CSMD3: variants seen among roughly 807,000 people sequenced by gnomAD.
CSMD3 encodes the protein CUB and sushi domain-containing protein 3.
A neutral mutation model predicts 435.2 loss-of-function variants in CSMD3; 177 were observed. That is an observed-to-expected ratio of 0.41 (90% CI 0.36 to 0.46). The LOEUF is 0.46. Among genes scored for constraint, CSMD3 ranks in the 20% least tolerant of loss-of-function variants. CSMD3 has a pLI of 0.34. For missense variants in CSMD3, 4,265 were observed against 4,504.6 expected, an observed-to-expected ratio of 0.95 and a Z score of 1.52; for synonymous variants, 1,656 against 1,520.5, an observed-to-expected ratio of 1.09 and a Z score of -2.07.
At chr8:113,278,234 G>C (rs1247072738) in intron 3 of CSMD3, among the ~76,000 whole-genome samples, 1 of 151,824 alleles carries the variant, frequency 6.6e-6, no homozygotes. Flanking sequence ...AACTTTCAGA[G>C]AAGACAGATT....
intron 2 of CSMD3, among the ~76,000 whole-genome samples, chr8:113,301,448 C>A (rs1360249552): frequency 6.6e-6 from 1 of 151,804 alleles, no homozygotes; most frequent in African/African-American, 2.4e-5. Context: ...ATAATCACAT[C>A]TCACTCAGAT....
chr8:112,233,956 T>C (rs948399917), intron 68 of CSMD3, among the ~76,000 whole-genome samples: 1 of 152,182 alleles, frequency 6.6e-6, no homozygotes, highest in Non-Finnish European at 1.5e-5. Context: ...GTAAATATGT[T>C]GCATATTCCT....
intron 5 of CSMD3, among the ~76,000 whole-genome samples, chr8:113,058,946 G>T (rs2131356706): frequency 6.6e-6 from 1 of 152,118 alleles, no homozygotes; most frequent in Non-Finnish European, 1.5e-5. Context: ...AATTATTCTT[G>T]ATTAATAGCT....
chr8:112,756,230 A>G (rs977737480), intron 13 of CSMD3, among the ~76,000 whole-genome samples: 1 of 152,152 alleles, frequency 6.6e-6, no homozygotes, highest in African/African-American at 2.4e-5. Flanking sequence ...CCAAGTATAT[A>G]TTTAATGCAT....
At chr8:112,234,515 G>T in intron 67 of CSMD3, 38 bp from the exon 68 acceptor site, 2 of 1,060,810 alleles carry the variant, frequency 1.9e-6, no homozygotes, top group Non-Finnish European at 3.0e-6. Flanking sequence ...ACTTAACTTT[G>T]TAAATAGTTA....
intron 11 of CSMD3, among the ~76,000 whole-genome samples, chr8:112,837,155 T>C (rs1054054619): frequency 6.6e-6 from 1 of 151,798 alleles, no homozygotes; most frequent in Non-Finnish European, 1.5e-5. Context: ...ACATAAATTC[T>C]TCGGGAAAAA....
intron 38 of CSMD3, among the ~76,000 whole-genome samples, chr8:112,367,271 A>G (rs1827871491): frequency 6.6e-6 from 1 of 152,188 alleles, no homozygotes; most frequent in Non-Finnish European, 1.5e-5. Flanking sequence ...TGTCATTATC[A>G]TTAGAAATTA....
intron 10 of CSMD3, among the ~76,000 whole-genome samples, chr8:112,903,171 A>AAG (rs1475907787): frequency 4.0e-5 from 6 of 150,152 alleles, no homozygotes; most frequent in Non-Finnish European, 8.9e-5. Context: ...AAAAAAAAAA[A>AAG]AAAAGAAAAG....
At chr8:112,235,719 A>C (rs1813512835) in intron 67 of CSMD3, among the ~76,000 whole-genome samples, 1 of 152,146 alleles carries the variant, frequency 6.6e-6, no homozygotes, top group African/African-American at 2.4e-5. Flanking sequence ...ATATGCAGGA[A>C]ATGAAAAGAT....
At chr8:112,400,962 T>C (rs1335055312) in intron 35 of CSMD3, among the ~76,000 whole-genome samples, 1 of 152,130 alleles carries the variant, frequency 6.6e-6, no homozygotes, top group Non-Finnish European at 1.5e-5. Flanking sequence ...ATCCCAGTAC[T>C]TTGGGAGGCC....
intron 3 of CSMD3, among the ~76,000 whole-genome samples, chr8:113,192,430 T>G (rs1177849469): frequency 6.6e-6 from 1 of 151,646 alleles, no homozygotes; most frequent in African/African-American, 2.4e-5. Context: ...AGTATGGAAA[T>G]TCTTGTCCTC....
intron 47 of CSMD3, among the ~76,000 whole-genome samples, chr8:112,316,890 G>C (rs910524555): frequency 6.6e-6 from 1 of 151,880 alleles, no homozygotes; most frequent in African/African-American, 2.4e-5. Context: ...GAAGAAGAGA[G>C]AAGAAAAATG....
intron 13 of CSMD3, among the ~76,000 whole-genome samples, chr8:112,773,136 C>G (rs1274281027): frequency 6.6e-6 from 1 of 151,684 alleles, no homozygotes; most frequent in Non-Finnish European, 1.5e-5. Flanking sequence ...GGAGGGGCAA[C>G]CCACCCGTTC....
At position 112,460,308 on chromosome 8, in the gene CSMD3, A is replaced by G. The variant is rs574435190; in HGVS notation, c.5395+12283T>C. Among the ~76,000 whole-genome samples the G allele has an allele frequency of 6.8e-4, 104 of 152,110 alleles. 1 individual carries two copies. The South Asian group carries it at 0.02, about 29-fold the overall frequency. On this transcript the variant is annotated intron_variant, in intron 32 of 70. Coordinates refer to ENST00000297405, the MANE Select transcript of CSMD3 (RefSeq NM_198123.2). ...AATATAATATAGATCTTTACCCACA[A>G]TGAGGTTAGAATTATTTATAGCACA...
At chr8:113,334,703 T>C (rs533518060) in intron 1 of CSMD3, among the ~76,000 whole-genome samples, 1 of 152,228 alleles carries the variant, frequency 6.6e-6, no homozygotes, top group Admixed American at 6.5e-5. Context: ...ATTTCTCTTT[T>C]CTTTGCACTT....
At position 112,462,377 on chromosome 8, in the gene CSMD3, A is replaced by T. The variant is rs182114069; in HGVS notation, c.5395+10214T>A. 4.6e-5 allele frequency among the ~76,000 whole-genome samples: 7 copies of T among 152,340 alleles called. No homozygotes were observed. In the East Asian group the frequency reaches 1.4e-3, roughly 29 times the overall value. ...CACTGTTTAAACAAATTGTTGTAAA[A>T]TGTCTAGCTTCATGTTCCTGCACTA... On this transcript the variant is annotated intron_variant, in intron 32 of 70. Coordinates refer to ENST00000297405, the MANE Select transcript of CSMD3 (RefSeq NM_198123.2).
chr8:112,486,050 T>G (rs566329415), intron 31 of CSMD3, among the ~76,000 whole-genome samples: 2 of 151,632 alleles, frequency 1.3e-5, no homozygotes, highest in East Asian at 3.9e-4. Flanking sequence ...GGCCTTTGTA[T>G]ACTGTCCAGA....
chr8:112,298,066 C>CAAAAAAAAAAA (rs35232021), intron 53 of CSMD3, among the ~76,000 whole-genome samples: 1 of 93,584 alleles, frequency 1.1e-5, no homozygotes, highest in Non-Finnish European at 2.2e-5. Context: ...TGCCATTGCA[C>CAAAAAAAAAAA]AAAAAAAAAA....
intron 4 of CSMD3, among the ~76,000 whole-genome samples, chr8:113,156,931 CAAAA>C (rs1174494796): frequency 7.5e-6 from 1 of 132,652 alleles, no homozygotes; most frequent in South Asian, 2.5e-4. Context: ...GATTTTGTCT[CAAAA>C]GAGAGAGAGA....
Sources: allele counts gnomAD v4.1 joint callset (sites outside exome capture counted in the v4.1 genomes callset), GRCh38; gene constraint gnomAD v4.1.1; transcripts MANE v1.5; gene names NCBI Gene and HGNC (gene_info 2026-07-23, HGNC 2026-07-21).